SP140: variants seen among roughly 807,000 people sequenced by gnomAD.
SP140 encodes the protein SP140 nuclear body protein, also known as nuclear body protein SP140.
A neutral mutation model predicts 125.0 loss-of-function variants in SP140; 81 were observed. The observed-to-expected ratio is 0.65, with a 90% confidence interval of 0.54 to 0.78. SP140 has a LOEUF of 0.78. Among genes scored for constraint, SP140 ranks in the 30% least tolerant of loss-of-function variants. The probability of loss-of-function intolerance (pLI) is 0.00; values close to 1 mark genes in which losing one functional copy is unlikely to be tolerated. For synonymous variants in SP140, 312 were observed against 354.0 expected, an observed-to-expected ratio of 0.88 and a Z score of 1.33; for missense variants, 858 against 1,037.0, an observed-to-expected ratio of 0.83 and a Z score of 2.37.
chr2:230,233,557 C>T (rs1188992942), intron 1 of SP140, among the ~76,000 whole-genome samples: 1 of 151,906 alleles, frequency 6.6e-6, no homozygotes. Flanking sequence ...AAAGAACTGG[C>T]TTTTGTTTAT....
At position 230,284,355 on chromosome 2, in the gene SP140, G is replaced by A. The variant is rs752830256; in HGVS notation, c.1508G>A (p.Arg503Lys). Residue 503 changes from arginine (R) to lysine (K), a missense_variant, in exon 16 of 27, where the codon AGG (arginine) becomes AAG (lysine). Physicochemically the swap from Arg to Lys is conservative, Grantham distance 26. This residue lies in a region of SP140 where 791 missense variants were observed against 869.5 expected (regional missense o/e 0.91). Transcript: ENST00000392045. ...GKPKRKRRKK[R>K]GHGWSRMRMR... ...TCTCTTTGGTTTGAAGGAAAAAAGA[G>A]GGGGCATGGCTGGAGCAGAATGAGA... is the stretch of plus-strand genomic sequence containing the variant. The A allele has an allele frequency of 1.2e-6, 2 of 1,604,550 alleles. No homozygotes were observed. Among genetic ancestry groups the A allele is most frequent in the African/African-American group, 1.3e-5 (1 of 74,326 alleles).
Position 230,237,618 on chromosome 2 carries a change from AT to A in SP140, c.237+365del, listed in dbSNP as rs938150562. The A allele has an allele frequency of 5.7e-6, 1 of 173,936 alleles. No individual in the cohort carries two copies. The highest frequency in any genetic ancestry group is 1.2e-5 in the Non-Finnish European group (1 of 82,980). The allele number at this position is 173,936 out of a possible 1,614,324, so 10.8% of individuals were successfully genotyped here. A position where few individuals can be genotyped will look rare whatever the true frequency, so the allele number is the denominator to read the frequency against. ...CTTATTTGAAACACTTGAAACTGAG[AT>A]TTTTTTGAAACTCACAGTGAAGTTG... is the stretch of plus-strand genomic sequence containing the variant. On this transcript the variant is annotated intron_variant, in intron 2 of 26. Coordinates refer to ENST00000392045, the MANE Select transcript of SP140 (RefSeq NM_007237.5). This position sits in a 1 kb window ranked among gnomAD's most constrained non-coding sequence, Gnocchi z 5.4.
At chr2:230,268,967 G>A (rs568751378) in intron 12 of SP140, among the ~76,000 whole-genome samples, 1 of 152,334 alleles carries the variant, frequency 6.6e-6, no homozygotes, top group Admixed American at 6.5e-5. Flanking sequence ...AGGAGGCCCT[G>A]TGCTTGTAAG....
At chr2:230,186,371 G>C in the SP140 span, among the ~76,000 whole-genome samples, 97 of 152,254 alleles carry the variant, frequency 6.4e-4, no homozygotes, top group South Asian at 7.0e-3. Context: ...CTAGTGTAGG[G>C]ATTTGTGTCT....
At chr2:230,307,120 C>T (rs2058836187) in intron 22 of SP140, among the ~76,000 whole-genome samples, 1 of 152,196 alleles carries the variant, frequency 6.6e-6, no homozygotes, top group Admixed American at 6.5e-5. Flanking sequence ...GGACTACCTG[C>T]CAGCAGAGAG....
intron 13 of SP140, 98 bp downstream of exon 13, chr2:230,269,716 GAGGAGCAGTGAA>G (rs1284309960): frequency 9.5e-7 from 1 of 1,057,254 alleles, no homozygotes; most frequent in Non-Finnish European, 1.4e-6. Context: ...CAAATATAAG[GAGGAGCAGTGAA>G]AGGAGAAGAT....
chr2:230,207,486 A>G (rs2043997816), intron 1 of SP140, among the ~76,000 whole-genome samples: 1 of 152,142 alleles, frequency 6.6e-6, no homozygotes, highest in Non-Finnish European at 1.5e-5. Flanking sequence ...ACATCTATAC[A>G]CAGCTGCATA....
chr2:230,291,710 T>C (rs1458053875), intron 19 of SP140, among the ~76,000 whole-genome samples: 4 of 152,262 alleles, frequency 2.6e-5, no homozygotes. Flanking sequence ...AATAATGCTG[T>C]TCTGAACATT....
At chr2:230,274,368 G>A (rs1416700548) in intron 15 of SP140, among the ~76,000 whole-genome samples, 1 of 152,172 alleles carries the variant, frequency 6.6e-6, no homozygotes, top group African/African-American at 2.4e-5. Flanking sequence ...GGCCACTAAA[G>A]TCAGAGAACA....
upstream of SP140, among the ~76,000 whole-genome samples, chr2:230,222,049 A>G (rs2045862115): frequency 6.6e-6 from 1 of 152,160 alleles, no homozygotes; most frequent in South Asian, 2.1e-4. Flanking sequence ...CCAACATGGC[A>G]AAATCCCGTC....
At chr2:230,252,663 A>G (rs769530044) in intron 10 of SP140, among the ~76,000 whole-genome samples, 1 of 152,208 alleles carries the variant, frequency 6.6e-6, no homozygotes, top group African/African-American at 2.4e-5. Flanking sequence ...CAAACTCTTA[A>G]ACATCTGTAT....
At chr2:230,250,351 A>G (rs1211988966) in intron 9 of SP140, among the ~76,000 whole-genome samples, 1 of 152,126 alleles carries the variant, frequency 6.6e-6, no homozygotes, top group Admixed American at 6.6e-5. Flanking sequence ...TCCCCAGCCC[A>G]TATCATCTGT....
chr2:230,218,680 C>G (rs1431744500), intron 3 of SP140, among the ~76,000 whole-genome samples: 1 of 152,192 alleles, frequency 6.6e-6, no homozygotes, highest in Non-Finnish European at 1.5e-5. Flanking sequence ...GGTTTAGTAA[C>G]TCACCCAAGG....
In SP140 at chr2:230,211,705, C is replaced by A; in HGVS notation, c.-322-1949C>A. On this transcript the variant is annotated intron_variant, in intron 1 of 4. Coordinates refer to the SP140 transcript ENST00000456542. The surrounding 1 kb of genome is among the most constrained non-coding windows in gnomAD (Gnocchi z 4.2). ...GGATGGCATAGAGTGGGAAAGTAAG[C>A]AACCATTCACTCTCAATTAGCCACT... 1.5e-6 allele frequency: 1 copy of A among 662,058 alleles called. No individual in the cohort carries two copies. The highest frequency in any genetic ancestry group is 2.7e-6 in the Non-Finnish European group (1 of 365,374). 41.0% of individuals were successfully genotyped at this position (662,058 alleles called of 1,614,324 possible).
the SP140 span, among the ~76,000 whole-genome samples, chr2:230,197,479 C>G: frequency 2.7e-5 from 4 of 148,768 alleles, no homozygotes; most frequent in African/African-American, 7.4e-5. Context: ...AAAATTTTCT[C>G]CCATTTTGTA....
intron 12 of SP140, among the ~76,000 whole-genome samples, chr2:230,262,607 G>A (rs34290244): frequency 6.6e-6 from 1 of 152,090 alleles, no homozygotes; most frequent in African/African-American, 2.4e-5. Context: ...TTTCCTCTTA[G>A]CACCGCCTTT....
rs1027105705 is a variant in SP140, at chr2:230,248,793, C to T, written c.893-92C>T. ...AAGGCGGAACAAGACAGGGGTGGCTCTCAGCATTTGCCCATCTTGGATGGC... is the reference window on the plus strand; with the variant it reads ...AAGGCGGAACAAGACAGGGGTGGCTTTCAGCATTTGCCCATCTTGGATGGC... On this transcript the variant is annotated intron_variant, in intron 8 of 26. Coordinates refer to ENST00000392045, the MANE Select transcript of SP140 (RefSeq NM_007237.5). 100 of 980,314 alleles carry T rather than the reference C, an allele frequency of 1.0e-4. No individual in the cohort carries two copies. The East Asian group carries it at 2.3e-3, about 23-fold the overall frequency. The allele number at this position is 980,314 out of a possible 1,614,324, so 60.7% of individuals were successfully genotyped here.
upstream of SP140, chr2:230,225,590 G>T: frequency 1.8e-6 from 1 of 557,884 alleles, no homozygotes; most frequent in South Asian, 2.0e-5. Flanking sequence ...TCTTTCCTTG[G>T]CAGGAACAAG....
chr2:230,292,921 A>G, intron 20 of SP140, 133 bp downstream of exon 20: 1 of 1,304,050 alleles, frequency 7.7e-7, no homozygotes, highest in Non-Finnish European at 1.1e-6. Flanking sequence ...CTCACTCAGG[A>G]GAGAGGGACC....
Sources: allele counts gnomAD v4.1 joint callset (sites outside exome capture counted in the v4.1 genomes callset), GRCh38; gene constraint gnomAD v4.1.1; regional missense constraint gnomAD v4.1.1; non-coding constraint Gnocchi (gnomAD v3.1); transcripts MANE v1.5; gene names NCBI Gene and HGNC (gene_info 2026-07-23, HGNC 2026-07-21).